Variants in SPTA1 observed in about 807,000 individuals in gnomAD.
SPTA1 encodes spectrin alpha, erythrocytic 1.
Under a neutral mutation model 324.7 loss-of-function variants are expected in SPTA1, and 177 were observed. That is an observed-to-expected ratio of 0.55 (90% confidence interval 0.48 to 0.62). The LOEUF (loss-of-function observed/expected upper bound fraction) is 0.62, where lower values mean the gene tolerates loss of function less well. Among genes scored for constraint, SPTA1 ranks in the 20% least tolerant of loss-of-function variants. The pLI is 0.00. For synonymous variants in SPTA1, 1,195 were observed against 1,041.3 expected, an observed-to-expected ratio of 1.15 and a Z score of -2.84; for missense variants, 3,162 against 2,883.6, an observed-to-expected ratio of 1.10 and a Z score of -2.21.
chr1:158,676,096 G>C (rs947551864), intron 8 of SPTA1, 45 bp downstream of exon 8: 4 of 1,610,590 alleles, frequency 2.5e-6, no homozygotes, highest in Non-Finnish European at 3.4e-6. Context: ...TTATATCTGG[G>C]CCCTGTAGAG....
At chr1:158,635,840 T>C (rs1245987147) in intron 38 of SPTA1, 73 bp downstream of exon 38, 13 of 1,610,580 alleles carry the variant, frequency 8.1e-6, no homozygotes, top group East Asian at 6.7e-5. Context: ...GAGCAGGCAC[T>C]TAAGTATCCT....
At chr1:158,643,155 T>A (rs1651740865) in intron 31 of SPTA1, among the ~76,000 whole-genome samples, 167 bp downstream of exon 31, 1 of 152,206 alleles carries the variant, frequency 6.6e-6, no homozygotes, top group Admixed American at 6.5e-5. Flanking sequence ...TCATCTTTCA[T>A]GTCTTTCATT....
chr1:158,678,373 T>C lies in SPTA1; in HGVS notation c.812+28A>G, dbSNP rs772386530. 2.0e-5 allele frequency: 32 copies of C among 1,613,318 alleles called. 1 individual carries two copies. In the Middle Eastern group the frequency reaches 8.3e-4, roughly 42 times the overall value. ...GGTTTTTATAAAGCACTTCAAAGTT[T>C]TCTATAAAGCAGTGGCCAGATCCAT... On this transcript the variant is annotated intron_variant, in intron 6 of 51. Coordinates refer to ENST00000643759, the MANE Select transcript of SPTA1 (RefSeq NM_003126.4).
At chr1:158,678,591 T>A (rs1654572919) in intron 5 of SPTA1, 57 bp from the exon 6 acceptor site, 2 of 1,582,630 alleles carry the variant, frequency 1.3e-6, no homozygotes, top group Admixed American at 3.4e-5. Flanking sequence ...TTTAAAAAAT[T>A]ATTCAAACAC....
In SPTA1 at chr1:158,651,922, T is replaced by TGTGC. The variant is rs796932584; in HGVS notation, c.3376-455_3376-454insGCAC. Among the ~76,000 whole-genome samples, 309 of 151,558 alleles carry TGTGC rather than the reference T, an allele frequency of 2.0e-3. 4 individuals carry two copies. The highest frequency in any genetic ancestry group is 7.4e-3 in the African/African-American group (303 of 41,182). ...CTCTCTCTCTCTCTGTGTGTGTGTG[T>TGTGC]GCGCGTGTGTGTGTGTTAAATCCCA... On this transcript the variant is annotated intron_variant, in intron 23 of 51. Coordinates refer to ENST00000643759, the MANE Select transcript of SPTA1 (RefSeq NM_003126.4).
At chr1:158,627,798 G>A in intron 39 of SPTA1, 75 bp from the exon 40 acceptor site, 1 of 1,398,814 alleles carries the variant, frequency 7.1e-7, no homozygotes, top group Non-Finnish European at 1.0e-6. Flanking sequence ...CAGACTCACG[G>A]GTCTATTATT....
chr1:158,647,835 G>T, intron 26 of SPTA1, 115 bp from the exon 27 acceptor site: 1 of 1,120,196 alleles, frequency 8.9e-7, no homozygotes, highest in Non-Finnish European at 1.3e-6. Context: ...TGATGTACAA[G>T]TATGTCATCA....
At chr1:158,616,896 T>C (rs926599914) in intron 47 of SPTA1, among the ~76,000 whole-genome samples, 50 of 152,268 alleles carry the variant, frequency 3.3e-4, no homozygotes, top group African/African-American at 1.2e-3. Flanking sequence ...CAGCATCCAT[T>C]ATTCCTTGTT....
chr1:158,671,777 C>T (rs766491354), intron 11 of SPTA1, among the ~76,000 whole-genome samples: 3 of 152,178 alleles, frequency 2.0e-5, no homozygotes, highest in Non-Finnish European at 2.9e-5. Flanking sequence ...CATCAGTTTT[C>T]TCTTCCTGAC....
Position 158,668,118 on chromosome 1 carries a change from A to T in SPTA1, c.1834-56T>A, listed in dbSNP as rs1653746878. 6 of 1,570,482 alleles carry T rather than the reference A, an allele frequency of 3.8e-6. No individual in the cohort carries two copies. The East Asian group carries it at 1.3e-4, about 35-fold the overall frequency. On this transcript the variant is annotated intron_variant, in intron 14 of 51. Transcript: ENST00000643759. Reference sequence around the variant, plus strand: ...CATTACCTGAAGAATGAGGGACAGAAATTTTGAGAATAAGAGGTTACTTCT... The same window carrying T: ...CATTACCTGAAGAATGAGGGACAGATATTTTGAGAATAAGAGGTTACTTCT...
At chr1:158,655,434 AC>A (rs992698829) in intron 20 of SPTA1, among the ~76,000 whole-genome samples, 4 of 151,876 alleles carry the variant, frequency 2.6e-5, no homozygotes, top group Admixed American at 2.6e-4. Context: ...GGAATGACCC[AC>A]CCCTTCCTCA....
At chr1:158,642,116 A>C (rs1651635170) in intron 33 of SPTA1, among the ~76,000 whole-genome samples, 1 of 151,390 alleles carries the variant, frequency 6.6e-6, no homozygotes, top group Non-Finnish European at 1.5e-5. Context: ...CAATGAGAAC[A>C]CATGGACACA....
At chr1:158,622,290 A>G (rs1161034274) in intron 43 of SPTA1, among the ~76,000 whole-genome samples, 2 of 152,108 alleles carry the variant, frequency 1.3e-5, no homozygotes, top group African/African-American at 2.4e-5. Flanking sequence ...ATGTTACATT[A>G]TTATATTAAT....
intron 42 of SPTA1, 70 bp downstream of exon 42, chr1:158,626,076 T>A: frequency 1.4e-6 from 2 of 1,414,858 alleles, no homozygotes; most frequent in Non-Finnish European, 2.0e-6. Context: ...AATTCAGAAA[T>A]AAATAATCAT....
At chr1:158,651,228 C>A in intron 24 of SPTA1, 139 bp downstream of exon 24, 1 of 704,348 alleles carries the variant, frequency 1.4e-6, no homozygotes, top group East Asian at 2.5e-5. Flanking sequence ...TTTGGCCTTT[C>A]CTGTAGCTAA....
At chr1:158,636,076 T>C in intron 37 of SPTA1, 42 bp from the exon 38 acceptor site, 2 of 1,613,814 alleles carry the variant, frequency 1.2e-6, no homozygotes, top group South Asian at 1.1e-5. Context: ...CCCCACAATC[T>C]CTCCCCATTT....
intron 18 of SPTA1, among the ~76,000 whole-genome samples, chr1:158,660,775 T>C (rs1244538395): frequency 3.9e-5 from 6 of 152,210 alleles, no homozygotes; most frequent in Non-Finnish European, 2.9e-5. Flanking sequence ...GCTTATGATG[T>C]TCAAAACTGA....
intron 37 of SPTA1, 148 bp from the exon 38 acceptor site, chr1:158,636,182 G>A: frequency 7.1e-7 from 1 of 1,407,714 alleles, no homozygotes; most frequent in Non-Finnish European, 9.9e-7. Context: ...AGTCCAGGGA[G>A]AATGATGAAA....
At chr1:158,648,445 G>A (rs1652159595) in intron 26 of SPTA1, 64 bp downstream of exon 26, 4 of 1,595,306 alleles carry the variant, frequency 2.5e-6, no homozygotes, top group Non-Finnish European at 3.4e-6. Context: ...AAAGAAGAGG[G>A]CATTGGTATA....
Sources: allele counts gnomAD v4.1 joint callset (sites outside exome capture counted in the v4.1 genomes callset), GRCh38; gene constraint gnomAD v4.1.1; transcripts MANE v1.5; gene names NCBI Gene and HGNC (gene_info 2026-07-23, HGNC 2026-07-21).